The following KLF15 variants were observed in gnomAD, a reference collection of about 807,000 sequenced individuals.
The protein encoded by KLF15 is Krueppel-like factor 15.
A neutral mutation model predicts 24.6 loss-of-function variants in KLF15; 4 were observed. The observed-to-expected ratio is 0.16, with a 90% CI of 0.08 to 0.37. The LOEUF is 0.37. Among genes scored for constraint, KLF15 ranks in the 10% least tolerant of loss-of-function variants. The pLI is 1.00. For synonymous variants in KLF15, 246 were observed against 236.3 expected (o/e 1.04, Z -0.37); for missense variants, 496 against 560.6 (o/e 0.88, Z 1.16).
At chr3:126,344,545 C>T (rs1327897147) in intron 2 of KLF15, among the ~76,000 whole-genome samples, 1 of 152,216 alleles carries the variant, frequency 6.6e-6, no homozygotes, top group African/African-American at 2.4e-5. Flanking sequence ...TCTGAGGCCA[C>T]AGGTGCACTC....
At chr3:126,340,402 G>A (rs1352438708), downstream of KLF15, among the ~76,000 whole-genome samples, 1 of 152,228 alleles carries the variant, frequency 6.6e-6, no homozygotes, top group Non-Finnish European at 1.5e-5. Flanking sequence ...GGAGCCAAGG[G>A]GCATTGGAGG....
chr3:126,328,824 G>A, the KLF15 span, among the ~76,000 whole-genome samples: 17 of 152,190 alleles, frequency 1.1e-4, no homozygotes, highest in African/African-American at 3.6e-4. Flanking sequence ...ATCTTCTCAT[G>A]TGCCTACTTG....
rs543931311 is a variant in KLF15, at chr3:126,343,022, G to C, written c.*705C>G. The C allele has an allele frequency of 1.3e-4, 20 of 152,122 alleles. No individual in the cohort carries two copies. The highest frequency in any genetic ancestry group is 4.6e-4 in the African/African-American group (19 of 41,410). 9.4% of individuals were successfully genotyped at this position (152,122 alleles called of 1,614,324 possible). A position where few individuals can be genotyped will look rare whatever the true frequency, so the allele number is the denominator to read the frequency against. ...TGTCTGGGAAACCGGAGGAGGGGAC[G>C]AGCCCCTGGGTACAGGCCCTTCTGG... On this transcript the variant is annotated 3_prime_UTR_variant, in exon 3 of 3. Transcript: ENST00000296233.
At chr3:126,317,393 G>T in the KLF15 span, among the ~76,000 whole-genome samples, 1 of 152,284 alleles carries the variant, frequency 6.6e-6, no homozygotes, top group African/African-American at 2.4e-5. Context: ...GGGAAAGGCG[G>T]TCTCCCAATA....
At chr3:126,315,029 A>T in the KLF15 span, among the ~76,000 whole-genome samples, 127 of 152,164 alleles carry the variant, frequency 8.3e-4, 2 homozygotes, top group East Asian at 0.023. Flanking sequence ...TGCTTCTGAG[A>T]TAGCGTCTGT....
Position 126,343,185 on chromosome 3 carries a change from CAGGGACCTG to C in KLF15, c.*533_*541del, listed in dbSNP as rs2082495811. 8.9e-6 allele frequency: 1 copy of C among 111,800 alleles called. No homozygotes were observed. The highest frequency in any genetic ancestry group is 8.8e-5 in the Admixed American group (1 of 11,334). 6.9% of individuals were successfully genotyped at this position (111,800 alleles called of 1,614,324 possible). ...CCCCCCCCCCCCCCCCCCCCGGCTC[CAGGGACCTG>C]CCCACACCCTCTGGTGATCATGCTG... On this transcript the variant is annotated 3_prime_UTR_variant, in exon 3 of 3. Coordinates refer to ENST00000296233, the MANE Select transcript of KLF15 (RefSeq NM_014079.4).
intron 1 of KLF15, 134 bp downstream of exon 1, chr3:126,357,103 A>G (rs1340182748): frequency 6.6e-6 from 1 of 151,136 alleles, no homozygotes; most frequent in African/African-American, 2.4e-5. Flanking sequence ...CGCTCCTCCG[A>G]CATTCCTCCA....
At position 126,352,131 on chromosome 3, in the gene KLF15, G is replaced by T. The variant is rs1448307843; in HGVS notation, c.792C>A (p.Pro264=). 18 of 1,563,072 alleles carry T rather than the reference G, an allele frequency of 1.2e-5. No individual in the cohort carries two copies. The highest frequency in any genetic ancestry group is 1.6e-5 in the Non-Finnish European group (18 of 1,153,090). The change falls in exon 2 of 3, where the codon CCC becomes CCA. Residue 264 remains proline (P), a synonymous_variant. Transcript: ENST00000296233. ...TCAAGTTGGAGGAGGGTACCACCTG[G>T]GGCACGAGTGCGAAGGTCTGCCCCT... ...NIQGQTFALV[P]QVVPSSNLNL... is the part of the protein sequence containing the mutation.
At chr3:126,322,673 T>C in the KLF15 span, among the ~76,000 whole-genome samples, 1 of 152,238 alleles carries the variant, frequency 6.6e-6, no homozygotes, top group Non-Finnish European at 1.5e-5. Flanking sequence ...AGGTCCACCA[T>C]AGTACCTTCA....
chr3:126,334,013 C>T, the KLF15 span, among the ~76,000 whole-genome samples: 5 of 152,168 alleles, frequency 3.3e-5, no homozygotes, highest in Admixed American at 6.5e-5. Context: ...GACAGATCAA[C>T]GAGACAGAAA....
intron 1 of KLF15, 37 bp from the exon 2 acceptor site, chr3:126,352,984 A>G: frequency 6.5e-7 from 1 of 1,544,232 alleles, no homozygotes; most frequent in South Asian, 1.3e-5. Flanking sequence ...GGTCAGAAGG[A>G]CAGTGCTCAC....
the KLF15 span, among the ~76,000 whole-genome samples, chr3:126,295,421 C>A: frequency 3.9e-4 from 59 of 152,306 alleles, no homozygotes; most frequent in Admixed American, 1.6e-3. Context: ...TGTCTCTGTA[C>A]CCCCGTCACC....
the KLF15 span, among the ~76,000 whole-genome samples, chr3:126,322,395 C>T: frequency 4.6e-5 from 7 of 152,162 alleles, no homozygotes; most frequent in Non-Finnish European, 1.0e-4. Flanking sequence ...AGCTCCTTGC[C>T]CCCTCTTCCA....
the KLF15 span, among the ~76,000 whole-genome samples, chr3:126,297,651 C>T: frequency 6.6e-6 from 1 of 152,142 alleles, no homozygotes; most frequent in African/African-American, 2.4e-5. Context: ...CTTATGCCTT[C>T]GCATCCTCAT....
chr3:126,288,347 T>C, the KLF15 span: 1 of 152,216 alleles, frequency 6.6e-6, no homozygotes, highest in Non-Finnish European at 1.5e-5. Context: ...AAGCCCAGGC[T>C]CCGGCAAGCC....
the KLF15 span, among the ~76,000 whole-genome samples, chr3:126,308,783 G>A: frequency 6.6e-6 from 1 of 152,164 alleles, no homozygotes; most frequent in East Asian, 1.9e-4. Context: ...CTCTCCGTGG[G>A]TTCTCCAAGC....
chr3:126,316,407 C>T, the KLF15 span, among the ~76,000 whole-genome samples: 3 of 63,400 alleles, frequency 4.7e-5, no homozygotes, highest in African/African-American at 2.5e-4. Flanking sequence ...GCTGGGCATC[C>T]ATGGGCCAGT....
chr3:126,345,669 C>T (rs1291509775), intron 2 of KLF15, among the ~76,000 whole-genome samples: 6 of 152,258 alleles, frequency 3.9e-5, no homozygotes, highest in South Asian at 4.2e-4. Flanking sequence ...CAGCGAGAGG[C>T]GGTGCCCAGA....
At chr3:126,355,821 A>G (rs1232243678) in intron 1 of KLF15, among the ~76,000 whole-genome samples, 2 of 152,196 alleles carry the variant, frequency 1.3e-5, no homozygotes, top group South Asian at 2.1e-4. Context: ...TGAACGTCCC[A>G]AGGGGGAAGC....
Sources: gnomAD v4.1 joint callset for allele counts (sites outside exome capture counted in the v4.1 genomes callset) on GRCh38, gnomAD v4.1.1 for gene constraint, MANE v1.5 for transcripts, NCBI Gene and HGNC (gene_info 2026-07-23, HGNC 2026-07-21) for gene names.